F5: variants seen among roughly 807,000 people sequenced by gnomAD.
F5 encodes the protein activated protein c cofactor.
F5 carries 138 observed loss-of-function variants against 216.4 expected under a neutral mutation model. The ratio of observed to expected loss-of-function variants is 0.64; its 90% CI spans 0.56 to 0.73. F5 has a LOEUF of 0.73. Ranked by LOEUF, F5 falls within the 30% of genes least tolerant of loss-of-function variation. F5 has a pLI of 0.00. For missense variants in F5, 2,403 were observed against 2,674.0 expected, an observed-to-expected ratio of 0.90 and a Z score of 2.24; for synonymous variants, 916 against 930.7, an observed-to-expected ratio of 0.98 and a Z score of 0.29.
At chr1:169,571,835 A>G (rs1474354954) in intron 3 of F5, among the ~76,000 whole-genome samples, 1 of 152,314 alleles carries the variant, frequency 6.6e-6, no homozygotes, top group East Asian at 1.9e-4. Flanking sequence ...AGTACTTGCA[A>G]CAGAGATCTT....
Position 169,514,427 on chromosome 1 carries a change from A to T in F5, c.6561T>A (p.His2187Gln), listed in dbSNP as rs918191831. Residue 2187 changes from histidine to glutamine, a missense_variant, in exon 25 of 25, where the codon CAT (histidine) becomes CAA (glutamine). This residue lies in a region of F5 where 659 missense variants were observed against 787.9 expected (regional missense o/e 0.84). Transcript: ENST00000367797. ...TTGGGGGGTTGAAAAAGTTCTTCAC[A>T]TGTCCTTTGGTATTAGTATTTCCTT... The part of the protein sequence containing the change: ...IFEGNTNTKG[H>Q]VKNFFNPPII... The T allele has an allele frequency of 1.9e-6, 3 of 1,613,088 alleles. No homozygotes were observed. The highest frequency in any genetic ancestry group is 2.5e-6 in the Non-Finnish European group (3 of 1,179,478).
intron 11 of F5, among the ~76,000 whole-genome samples, chr1:169,545,561 A>G (rs1659977433): frequency 6.6e-6 from 1 of 152,212 alleles, no homozygotes; most frequent in Non-Finnish European, 1.5e-5. Flanking sequence ...CGTAGTTTCT[A>G]TTGGACAGCA....
Position 169,540,756 on chromosome 1 carries a change from G to T in F5, c.4334C>A (p.Thr1445Asn). 6.2e-7 allele frequency: 1 copy of T among 1,614,038 alleles called. No homozygotes were observed. ...QVTLSPDISD[T>N]TLLPDLSQIS... is the part of the protein sequence containing the mutation. Reference sequence around the variant, plus strand: ...CTGGCTGAGATCCGGGAGAAGGGTGGTGTCACTGATGTCTGGAGAGAGAGT... The same window carrying T: ...CTGGCTGAGATCCGGGAGAAGGGTGTTGTCACTGATGTCTGGAGAGAGAGT... Residue 1445 changes from threonine to asparagine, a missense_variant, in exon 13 of 25, where the codon ACC (threonine) becomes AAC (asparagine). Coordinates refer to ENST00000367797, the MANE Select transcript of F5 (RefSeq NM_000130.5).
chr1:169,515,656 G>T (rs1571555663), intron 23 of F5, 30 bp from the exon 24 acceptor site: 2 of 1,607,662 alleles, frequency 1.2e-6, no homozygotes, highest in African/African-American at 1.3e-5. Flanking sequence ...ACATAGATAA[G>T]GAAGATGTTA....
chr1:169,559,414 A>G (rs1366384334), intron 4 of F5, 118 bp from the exon 5 acceptor site: 1 of 1,053,334 alleles, frequency 9.5e-7, no homozygotes, highest in Non-Finnish European at 1.4e-6. Flanking sequence ...ACTTGAAGAA[A>G]TTCTTATTTT....
intron 19 of F5, 76 bp from the exon 20 acceptor site, chr1:169,523,980 G>A: frequency 7.8e-7 from 1 of 1,274,530 alleles, no homozygotes; most frequent in South Asian, 1.2e-5. Context: ...GTTTAATCCA[G>A]TGGAAAACCA....
At chr1:169,529,485 T>C (rs942553198) in intron 16 of F5, 123 bp downstream of exon 16, 13 of 883,774 alleles carry the variant, frequency 1.5e-5, no homozygotes, top group Middle Eastern at 6.6e-4. Context: ...GAACCGGTTT[T>C]AGTTGTAGCT....
In F5 at chr1:169,556,696, C is replaced by T; in HGVS notation, c.902G>A (p.Gly301Asp). The T allele has an allele frequency of 6.2e-7, 1 of 1,614,068 alleles. No homozygotes were observed. The highest frequency in any genetic ancestry group is 8.5e-7 in the Non-Finnish European group (1 of 1,179,996). ...AGATATGATCCACTTTCCCTCTGGG[C>T]CCACAGTCATATTTGCGGTAGTGGA... The part of the protein sequence containing the change: ...ATSTTANMTV[G>D]PEGKWIISSL... The change falls in exon 6 of 25, where the codon GGC becomes GAC. Residue 301 changes from glycine to aspartate, a missense_variant. Coordinates refer to ENST00000367797, the MANE Select transcript of F5 (RefSeq NM_000130.5).
chr1:169,553,716 C>T lies in F5; in HGVS notation c.1119-982G>A, dbSNP rs547775124. On this transcript the variant is annotated intron_variant, in intron 7 of 24. Transcript: ENST00000367797. ...CAGCCTGGGCGACAGAGCGAGACTCCGTCTCAAAAAAAGAAAGAAAAACGC... is the reference window on the plus strand; with the variant it reads ...CAGCCTGGGCGACAGAGCGAGACTCTGTCTCAAAAAAAGAAAGAAAAACGC... 1.2e-4 allele frequency among the ~76,000 whole-genome samples: 18 copies of T among 152,146 alleles called. No individual in the cohort carries two copies. In the South Asian group the frequency reaches 1.5e-3, roughly 12 times the overall value.
At chr1:169,552,413 A>G in intron 8 of F5, 144 bp downstream of exon 8, 1 of 712,618 alleles carries the variant, frequency 1.4e-6, no homozygotes, top group Non-Finnish European at 2.3e-6. Flanking sequence ...GTAAATAAAT[A>G]CAAATACTAA....
intron 11 of F5, among the ~76,000 whole-genome samples, chr1:169,545,102 G>T (rs575462564): frequency 2.6e-5 from 4 of 152,274 alleles, no homozygotes; most frequent in African/African-American, 7.2e-5. Context: ...CAAGGGCAGG[G>T]CTCATGTCTA....
intron 17 of F5, among the ~76,000 whole-genome samples, chr1:169,526,915 C>T (rs1204992001): frequency 6.6e-6 from 1 of 151,398 alleles, no homozygotes; most frequent in Non-Finnish European, 1.5e-5. Flanking sequence ...ACAATTAATA[C>T]TCTCTAGATG....
chr1:169,577,605 G>A (rs10919195), intron 2 of F5, among the ~76,000 whole-genome samples: 2,652 of 54,578 alleles, frequency 0.049, 30 homozygotes, highest in Non-Finnish European at 0.062. Context: ...ATATATATAT[G>A]TATGTATTTT....
In F5 at chr1:169,513,553, A is replaced by G. The variant is rs577598555; in HGVS notation, c.*760T>C. 2.6e-5 allele frequency among the ~76,000 whole-genome samples: 4 copies of G among 152,244 alleles called. No homozygotes were observed. The South Asian group carries it at 8.3e-4, about 32-fold the overall frequency. ...AACTGCATTTAGACCAGCAGTTCCC[A>G]TGCTCTGTTTTACAGGTCTGAGCTT... On this transcript the variant is annotated 3_prime_UTR_variant, in exon 25 of 25. Coordinates refer to ENST00000367797, the MANE Select transcript of F5 (RefSeq NM_000130.5).
intron 3 of F5, among the ~76,000 whole-genome samples, chr1:169,568,146 C>T (rs1285053508): frequency 2.6e-5 from 4 of 152,042 alleles, no homozygotes; most frequent in Non-Finnish European, 4.4e-5. Context: ...TCTAATTGAT[C>T]AAACTAAATT....
At chr1:169,552,892 G>C (rs932356920) in intron 7 of F5, among the ~76,000 whole-genome samples, 158 bp from the exon 8 acceptor site, 3 of 152,152 alleles carry the variant, frequency 2.0e-5, no homozygotes, top group African/African-American at 7.2e-5. Flanking sequence ...TATGTTTTCT[G>C]TCTAGTTGGA....
chr1:169,523,639 A>C (rs1659362475), intron 20 of F5, among the ~76,000 whole-genome samples, 162 bp downstream of exon 20: 1 of 152,192 alleles, frequency 6.6e-6, no homozygotes, highest in Non-Finnish European at 1.5e-5. Context: ...CCAACCTCAG[A>C]GGGTTGATTT....
Position 169,549,974 on chromosome 1 carries a change from T to G in F5, c.1438A>C (p.Thr480Pro). The G allele has an allele frequency of 6.2e-7, 1 of 1,614,124 alleles. No homozygotes were observed. The highest frequency in any genetic ancestry group is 1.1e-5 in the South Asian group (1 of 91,074). The change falls in exon 10 of 25, where the codon ACC (threonine) becomes CCC (proline). Residue 480 changes from threonine to proline, a missense_variant. Physicochemically the swap from Thr to Pro is conservative, Grantham distance 38. Transcript: ENST00000367797. Reference protein sequence around the residue: ...TMIRAVQPGETYTYKWNILEF... With the variant: ...TMIRAVQPGEPYTYKWNILEF... Reference sequence around the variant, plus strand: ...AAGATGTTCCACTTATAAGTATAGGTTTCCCCTGGTTGAACTGCTCTGATC... The same window carrying G: ...AAGATGTTCCACTTATAAGTATAGGGTTCCCCTGGTTGAACTGCTCTGATC...
Position 169,582,473 on chromosome 1 carries a change from C to A in F5, c.208G>T (p.Glu70Ter). 2 of 1,559,850 alleles carry A rather than the reference C, an allele frequency of 1.3e-6. No homozygotes were observed. Among genetic ancestry groups the A allele is most frequent in the South Asian group, 2.3e-5 (2 of 88,198 alleles). ...SFKKIVYREY[E>*]PYFKKEKPQS... ...GGTTTTTCTTTCTTAAAATATGGTT[C>A]ATACTCTCTGTAGACAATTTTCTTA... Residue 70 changes from glutamate to a stop codon, truncating the protein, a stop_gained, in exon 2 of 25, where the codon GAA (glutamate) becomes TAA (stop). Transcript: ENST00000367797. LOFTEE classifies it high-confidence loss of function.
Sources: allele counts gnomAD v4.1 joint callset (sites outside exome capture counted in the v4.1 genomes callset), GRCh38; gene constraint gnomAD v4.1.1; regional missense constraint gnomAD v4.1.1; transcripts MANE v1.5; gene names NCBI Gene and HGNC (gene_info 2026-07-23, HGNC 2026-07-21).